MGAT4C: variants seen among roughly 807,000 people sequenced by gnomAD.
MGAT4C encodes the protein MGAT4 family member C.
A neutral mutation model predicts 40.1 loss-of-function variants in MGAT4C; 19 were observed. The ratio of observed to expected loss-of-function variants is 0.47; its 90% confidence interval spans 0.33 to 0.70. The LOEUF (loss-of-function observed/expected upper bound fraction) is 0.70. Ranked by LOEUF, MGAT4C falls within the 30% of genes least tolerant of loss-of-function variation. The probability of loss-of-function intolerance (pLI) is 0.02; values close to 1 mark genes in which losing one functional copy is unlikely to be tolerated. For synonymous variants in MGAT4C, 181 were observed against 187.1 expected (o/e 0.97, Z 0.27); for missense variants, 491 against 563.2 (o/e 0.87, Z 1.30).
At chr12:86,436,428 T>G (rs1485879632) in intron 2 of MGAT4C, among the ~76,000 whole-genome samples, 1 of 151,680 alleles carries the variant, frequency 6.6e-6, no homozygotes, top group Non-Finnish European at 1.5e-5. Flanking sequence ...AGTCAGAGTG[T>G]GGGGGGAGAA....
intron 4 of MGAT4C, among the ~76,000 whole-genome samples, chr12:86,315,575 G>C (rs1335062345): frequency 6.6e-6 from 1 of 152,010 alleles, no homozygotes; most frequent in Admixed American, 6.6e-5. Context: ...GCGTGGTGGC[G>C]GGCGCCTGTA....
chr12:86,601,956 G>A (rs531933649), intron 2 of MGAT4C, among the ~76,000 whole-genome samples: 2 of 152,236 alleles, frequency 1.3e-5, no homozygotes, highest in East Asian at 1.9e-4. Flanking sequence ...TGGTGTCTCC[G>A]AGCTTTGGGG....
At chr12:86,456,392 T>C (rs183697330) in intron 2 of MGAT4C, among the ~76,000 whole-genome samples, 1 of 152,080 alleles carries the variant, frequency 6.6e-6, no homozygotes, top group African/African-American at 2.4e-5. Flanking sequence ...GTCATGTGGA[T>C]AGTAAATGGC....
chr12:86,257,216 C>A (rs1355365862), upstream of MGAT4C, among the ~76,000 whole-genome samples: 3 of 152,064 alleles, frequency 2.0e-5, no homozygotes, highest in African/African-American at 7.2e-5. Context: ...TGACAAAAGC[C>A]CCAGATTTCT....
intron 1 of MGAT4C, among the ~76,000 whole-genome samples, chr12:86,073,571 G>C (rs1869035258): frequency 6.6e-6 from 1 of 152,134 alleles, no homozygotes; most frequent in African/African-American, 2.4e-5. Context: ...ATAAAGTTCA[G>C]GTTGAGGTAG....
At chr12:86,479,769 C>T (rs1340489716) in intron 2 of MGAT4C, among the ~76,000 whole-genome samples, 1 of 151,798 alleles carries the variant, frequency 6.6e-6, no homozygotes, top group Non-Finnish European at 1.5e-5. Flanking sequence ...TTACCTACAT[C>T]TAGCTGCAAT....
intron 1 of MGAT4C, among the ~76,000 whole-genome samples, chr12:86,056,780 C>T (rs979898748): frequency 1.3e-5 from 2 of 152,094 alleles, no homozygotes; most frequent in Non-Finnish European, 2.9e-5. Context: ...AATGGTATTT[C>T]TAGTTCTAGA....
chr12:86,078,876 G>A (rs1870298897), intron 1 of MGAT4C, among the ~76,000 whole-genome samples: 1 of 152,026 alleles, frequency 6.6e-6, no homozygotes, highest in African/African-American at 2.4e-5. Flanking sequence ...CACTCTCATG[G>A]GATACAAATA....
chr12:86,132,229 TTTTC>T (rs774106832), intron 1 of MGAT4C, among the ~76,000 whole-genome samples: 12 of 152,328 alleles, frequency 7.9e-5, no homozygotes, highest in East Asian at 7.7e-4. Flanking sequence ...ATTTGAAATA[TTTTC>T]TTTATTTGTA....
At chr12:86,247,467 G>A (rs528987764) in intron 1 of MGAT4C, among the ~76,000 whole-genome samples, 15 of 152,232 alleles carry the variant, frequency 9.9e-5, no homozygotes, top group Non-Finnish European at 1.3e-4. Flanking sequence ...TTACAGTCTC[G>A]TGGGAAGACT....
intron 1 of MGAT4C, among the ~76,000 whole-genome samples, chr12:86,230,391 T>C (rs1951264915): frequency 6.6e-6 from 1 of 152,130 alleles, no homozygotes. Context: ...ATAACATCAA[T>C]ATAAGTGAAC....
chr12:86,355,186 T>G (rs879207193), intron 3 of MGAT4C, among the ~76,000 whole-genome samples: 2 of 152,168 alleles, frequency 1.3e-5, no homozygotes, highest in African/African-American at 4.8e-5. Flanking sequence ...GATTGGCATA[T>G]TTTACAAAAC....
At chr12:86,311,857 T>C (rs1954084870) in intron 4 of MGAT4C, among the ~76,000 whole-genome samples, 1 of 152,114 alleles carries the variant, frequency 6.6e-6, no homozygotes, top group South Asian at 2.1e-4. Flanking sequence ...CCTGTACAGA[T>C]ACCACTGGCA....
intron 2 of MGAT4C, among the ~76,000 whole-genome samples, chr12:86,678,508 C>T (rs544368578): frequency 3.5e-4 from 53 of 151,360 alleles, no homozygotes; most frequent in African/African-American, 1.3e-3. Flanking sequence ...ATACATGTGC[C>T]ATGCTGGTGT....
At chr12:86,263,123 AT>A (rs1478795131) in intron 4 of MGAT4C, among the ~76,000 whole-genome samples, 2 of 152,124 alleles carry the variant, frequency 1.3e-5, no homozygotes, top group Non-Finnish European at 2.9e-5. Flanking sequence ...AAATTGGTAG[AT>A]GAAACCAAAG....
At chr12:86,249,676 C>T (rs1048344709) in intron 1 of MGAT4C, among the ~76,000 whole-genome samples, 1 of 152,160 alleles carries the variant, frequency 6.6e-6, no homozygotes, top group South Asian at 2.1e-4. Flanking sequence ...AGCTCTCCCT[C>T]ACTCCTGCCT....
chr12:86,363,469 G>A (rs1336252295), intron 3 of MGAT4C, among the ~76,000 whole-genome samples: 1 of 151,860 alleles, frequency 6.6e-6, no homozygotes, highest in African/African-American at 2.4e-5. Context: ...TTCAGAGTTG[G>A]GGGGAAAATT....
intron 2 of MGAT4C, among the ~76,000 whole-genome samples, chr12:86,626,645 G>A (rs117565329): frequency 0.022 from 3,367 of 152,262 alleles, 50 homozygotes; most frequent in Non-Finnish European, 0.033. Flanking sequence ...ATTTTCTAGT[G>A]TTATTATTAA....
In MGAT4C at chr12:86,196,991, A is replaced by G. The variant is rs1293412924; in HGVS notation, c.-57+59248T>C. ...TTGCTTAAAAATTTCTTCAATTTGTATATCTTCTCTCACATTTTACTCTAA... is the reference window on the plus strand; with the variant it reads ...TTGCTTAAAAATTTCTTCAATTTGTGTATCTTCTCTCACATTTTACTCTAA... On this transcript the variant is annotated intron_variant, in intron 1 of 4. Transcript: ENST00000611864. Among the ~76,000 whole-genome samples, 4 of 152,186 alleles carry G rather than the reference A, an allele frequency of 2.6e-5. No homozygotes were observed. In the South Asian group the frequency reaches 6.2e-4, roughly 24 times the overall value.
Sources: allele counts gnomAD v4.1 joint callset (sites outside exome capture counted in the v4.1 genomes callset), GRCh38; gene constraint gnomAD v4.1.1; transcripts MANE v1.5; gene names NCBI Gene and HGNC (gene_info 2026-07-23, HGNC 2026-07-21).